Variants in MYRFL observed in about 807,000 individuals in gnomAD.
MYRFL encodes the protein myelin regulatory factor like.
In MYRFL, 88 loss-of-function variants were observed where a neutral mutation model predicts 109.4. The observed-to-expected ratio is 0.80, with a 90% CI of 0.68 to 0.96. The LOEUF (loss-of-function observed/expected upper bound fraction) is 0.96. Ranked by LOEUF, MYRFL falls within the 40% of genes least tolerant of loss-of-function variation. The pLI is 0.00. For missense variants in MYRFL, 957 were observed against 954.9 expected, an observed-to-expected ratio of 1.00 and a Z score of -0.03; for synonymous variants, 324 against 320.9, an observed-to-expected ratio of 1.01 and a Z score of -0.10.
chr12:69,939,284 A>G (rs1249896234), intron 19 of MYRFL, among the ~76,000 whole-genome samples: 1 of 152,124 alleles, frequency 6.6e-6, no homozygotes, highest in Non-Finnish European at 1.5e-5. Context: ...GCAGACTTAA[A>G]TGTCCCTGTC....
chr12:69,884,898 C>A (rs1381371366), intron 5 of MYRFL, among the ~76,000 whole-genome samples: 1 of 152,150 alleles, frequency 6.6e-6, no homozygotes, highest in Non-Finnish European at 1.5e-5. Flanking sequence ...GATGAAAAAA[C>A]TGAAGCTCAG....
At chr12:69,943,011 C>T (rs1221297328) in intron 19 of MYRFL, among the ~76,000 whole-genome samples, 10 of 151,048 alleles carry the variant, frequency 6.6e-5, no homozygotes, top group South Asian at 2.1e-4. Context: ...AACTACAAAC[C>T]GCTGCTCAAG....
At chr12:69,930,219 G>A (rs1055947654) in intron 15 of MYRFL, among the ~76,000 whole-genome samples, 3 of 152,112 alleles carry the variant, frequency 2.0e-5, no homozygotes, top group Admixed American at 1.3e-4. Flanking sequence ...TCTTGTTAAT[G>A]AGCAAATTGA....
chr12:69,904,490 G>C (rs991080556), intron 11 of MYRFL: 1 of 152,200 alleles, frequency 6.6e-6, no homozygotes, highest in Admixed American at 6.5e-5. Flanking sequence ...CCCCAGTTAC[G>C]TGACCCTGGA....
chr12:69,926,490 T>C, intron 13 of MYRFL, 81 bp from the exon 14 acceptor site: 1 of 1,173,086 alleles, frequency 8.5e-7, no homozygotes, highest in East Asian at 2.8e-5. Flanking sequence ...ATAATCCAGC[T>C]GTCTTTGAAT....
intron 21 of MYRFL, among the ~76,000 whole-genome samples, chr12:69,953,260 A>G (rs906217217): frequency 7.9e-5 from 12 of 152,346 alleles, no homozygotes; most frequent in African/African-American, 2.9e-4. Flanking sequence ...GTGAGGTGAC[A>G]TTTGTATATT....
At chr12:69,939,332 C>G (rs894098098) in intron 19 of MYRFL, among the ~76,000 whole-genome samples, 4 of 152,260 alleles carry the variant, frequency 2.6e-5, no homozygotes, top group African/African-American at 9.6e-5. Context: ...TCCCAGCACG[C>G]AGCTGGAGAT....
In MYRFL at chr12:69,871,562, C is replaced by T. The variant is rs145449774; in HGVS notation, c.138-7466C>T. Among the ~76,000 whole-genome samples the T allele has an allele frequency of 2.4e-3, 371 of 152,214 alleles. 3 individuals carry two copies. Among genetic ancestry groups the T allele is most frequent in the Non-Finnish European group, 4.2e-3 (285 of 68,004 alleles). On this transcript the variant is annotated intron_variant, in intron 2 of 24. Coordinates refer to ENST00000552032, the MANE Select transcript of MYRFL (RefSeq NM_182530.3). ...TTTGGATATTTTTATTGCCCTATAT[C>T]TAAATAATGTTTTTATATTGCTTTT... is the stretch of plus-strand genomic sequence containing the variant.
chr12:69,852,063 G>A (rs919170792), intron 1 of MYRFL, among the ~76,000 whole-genome samples: 2 of 152,168 alleles, frequency 1.3e-5, no homozygotes, highest in Non-Finnish European at 2.9e-5. Context: ...CAAATTCTTG[G>A]GAGAAATAGT....
chr12:69,916,175 C>A (rs561574043), intron 13 of MYRFL, among the ~76,000 whole-genome samples: 1 of 152,112 alleles, frequency 6.6e-6, no homozygotes, highest in East Asian at 1.9e-4. Context: ...GTTCCTGTCT[C>A]CAAGTAGCTT....
At chr12:69,939,473 C>T (rs1955574669) in intron 19 of MYRFL, among the ~76,000 whole-genome samples, 3 of 151,838 alleles carry the variant, frequency 2.0e-5, no homozygotes, top group Admixed American at 1.3e-4. Context: ...AGACCTGCAG[C>T]TGAGGGTCCT....
At chr12:69,957,673 G>A in intron 22 of MYRFL, 149 bp from the exon 23 acceptor site, 1 of 888,968 alleles carries the variant, frequency 1.1e-6, no homozygotes, top group Non-Finnish European at 1.6e-6. Flanking sequence ...ATTGGCATCG[G>A]TGAGCTTTGT....
intron 19 of MYRFL, among the ~76,000 whole-genome samples, chr12:69,945,277 A>G (rs528260885): frequency 3.0e-4 from 46 of 152,038 alleles, no homozygotes; most frequent in African/African-American, 1.1e-3. Context: ...CTCACCGCTC[A>G]CTCACTGATT....
intron 2 of MYRFL, among the ~76,000 whole-genome samples, chr12:69,872,661 C>T (rs11830966): frequency 0.019 from 2,904 of 152,014 alleles, 76 homozygotes; most frequent in African/African-American, 0.066. Context: ...CCACTGTGCC[C>T]GGCTAATTTT....
chr12:69,871,271 C>T (rs1427968076), intron 2 of MYRFL, among the ~76,000 whole-genome samples: 3 of 129,874 alleles, frequency 2.3e-5, no homozygotes, highest in Admixed American at 9.7e-5. Flanking sequence ...CTTGCTCTGT[C>T]GCCCAGGCTG....
intron 1 of MYRFL, among the ~76,000 whole-genome samples, chr12:69,853,384 C>T (rs1200828436): frequency 6.6e-6 from 1 of 151,548 alleles, no homozygotes; most frequent in Admixed American, 6.6e-5. Context: ...CGGAGGGGCT[C>T]CTCACTTCTC....
chr12:69,845,829 T>C (rs938046029), intron 1 of MYRFL, among the ~76,000 whole-genome samples: 1 of 150,906 alleles, frequency 6.6e-6, no homozygotes, highest in African/African-American at 2.4e-5. Flanking sequence ...TTTCAGGTTC[T>C]ACAGATGTGA....
At chr12:69,840,695 C>G (rs1199319483) in intron 1 of MYRFL, among the ~76,000 whole-genome samples, 7 of 152,182 alleles carry the variant, frequency 4.6e-5, no homozygotes, top group Non-Finnish European at 5.9e-5. Context: ...ATCTGCCGGT[C>G]AGGCAGCTGA....
intron 6 of MYRFL, among the ~76,000 whole-genome samples, chr12:69,888,258 A>T (rs954683754): frequency 5.3e-5 from 8 of 152,204 alleles, no homozygotes; most frequent in Non-Finnish European, 1.2e-4. Context: ...TTTAGCCATA[A>T]TTCACTTTTC....
Sources: allele counts gnomAD v4.1 joint callset (sites outside exome capture counted in the v4.1 genomes callset), GRCh38; gene constraint gnomAD v4.1.1; transcripts MANE v1.5; gene names NCBI Gene and HGNC (gene_info 2026-07-23, HGNC 2026-07-21).